Variants in STK39 observed in about 807,000 individuals in gnomAD.
STK39 encodes the protein STE20/SPS1-related proline-alanine-rich protein kinase.
Under a neutral mutation model 77.8 loss-of-function variants are expected in STK39, and 20 were observed. The ratio of observed to expected loss-of-function variants is 0.26; its 90% CI spans 0.18 to 0.37. The LOEUF is 0.37. STK39 is among the 10% of genes least tolerant of loss of function. The pLI is 1.00. For synonymous variants in STK39, 246 were observed against 234.1 expected, an observed-to-expected ratio of 1.05 and a Z score of -0.47; for missense variants, 479 against 656.5, an observed-to-expected ratio of 0.73 and a Z score of 2.95.
Position 167,996,827 on chromosome 2 carries a change from C to T in STK39, c.1498+15807G>A, listed in dbSNP as rs561455901. 5.3e-5 allele frequency among the ~76,000 whole-genome samples: 8 copies of T among 151,998 alleles called. No homozygotes were observed. In the South Asian group the frequency reaches 6.3e-4, roughly 12 times the overall value. On this transcript the variant is annotated intron_variant, in intron 16 of 17. Transcript: ENST00000355999. ...ACTAGAACTCAAAGAGGTAGATCACCGACTAAGGAACTGCAGAGCAAAGGG... is the reference window on the plus strand; with the variant it reads ...ACTAGAACTCAAAGAGGTAGATCACTGACTAAGGAACTGCAGAGCAAAGGG...
chr2:168,049,034 C>T (rs1425102170), intron 14 of STK39, among the ~76,000 whole-genome samples: 2 of 152,188 alleles, frequency 1.3e-5, no homozygotes, highest in African/African-American at 2.4e-5. Flanking sequence ...CTCTGATAAC[C>T]AGTGGCCACT....
chr2:168,081,341 G>A (rs897572739), intron 10 of STK39, among the ~76,000 whole-genome samples: 1 of 152,162 alleles, frequency 6.6e-6, no homozygotes, highest in African/African-American at 2.4e-5. Context: ...TGGAGTCAAA[G>A]GAGATCATTT....
At chr2:168,109,155 T>C (rs1023123708) in intron 10 of STK39, among the ~76,000 whole-genome samples, 1 of 152,198 alleles carries the variant, frequency 6.6e-6, no homozygotes, top group Non-Finnish European at 1.5e-5. Context: ...TATATTTATA[T>C]ATGTAAGTAA....
intron 14 of STK39, among the ~76,000 whole-genome samples, chr2:168,048,428 G>A (rs187907910): frequency 0.02 from 3,013 of 152,122 alleles, 101 homozygotes; most frequent in African/African-American, 0.069. Context: ...TAGCCAGGAC[G>A]GTCTCGATCT....
intron 14 of STK39, among the ~76,000 whole-genome samples, chr2:168,030,175 G>C (rs1684800236): frequency 6.6e-6 from 1 of 152,160 alleles, no homozygotes; most frequent in African/African-American, 2.4e-5. Context: ...GGGAGGCGGA[G>C]CTTTCAGTGA....
At chr2:168,136,754 CA>C (rs1687852373) in intron 8 of STK39, among the ~76,000 whole-genome samples, 1 of 152,028 alleles carries the variant, frequency 6.6e-6, no homozygotes, top group Non-Finnish European at 1.5e-5. Flanking sequence ...TGTTGGAAAA[CA>C]AAATTAGAAT....
intron 2 of STK39, among the ~76,000 whole-genome samples, chr2:168,176,041 C>A (rs1266313831): frequency 2.0e-5 from 3 of 152,118 alleles, no homozygotes; most frequent in Non-Finnish European, 4.4e-5. Flanking sequence ...TTTGTTACCA[C>A]ATACGATGAA....
intron 10 of STK39, among the ~76,000 whole-genome samples, chr2:168,089,957 A>G (rs1686472516): frequency 1.3e-5 from 2 of 152,198 alleles, no homozygotes; most frequent in Admixed American, 6.5e-5. Flanking sequence ...ATAATAAGCT[A>G]TTTGGTTTGG....
At chr2:168,089,758 C>T (rs187303820) in intron 10 of STK39, among the ~76,000 whole-genome samples, 4 of 152,168 alleles carry the variant, frequency 2.6e-5, no homozygotes, top group East Asian at 3.9e-4. Context: ...GGATTACAGG[C>T]GCCCGCCACC....
At chr2:168,111,659 T>A (rs1687123589) in intron 10 of STK39, among the ~76,000 whole-genome samples, 1 of 152,188 alleles carries the variant, frequency 6.6e-6, no homozygotes, top group Non-Finnish European at 1.5e-5. Context: ...GGAAAAATAG[T>A]CTAAAACAAG....
At chr2:167,959,753 T>C (rs1691893030) in intron 17 of STK39, among the ~76,000 whole-genome samples, 1 of 152,162 alleles carries the variant, frequency 6.6e-6, no homozygotes, top group Non-Finnish European at 1.5e-5. Flanking sequence ...CAAGTGAAAT[T>C]GGCTTTGCTT....
At chr2:168,097,842 T>C (rs1358877466) in intron 10 of STK39, among the ~76,000 whole-genome samples, 2 of 152,222 alleles carry the variant, frequency 1.3e-5, no homozygotes, top group Admixed American at 6.5e-5. Context: ...TATAGAACAT[T>C]TGACTGAATC....
intron 14 of STK39, among the ~76,000 whole-genome samples, chr2:168,039,880 C>G (rs1202494733): frequency 1.3e-5 from 2 of 152,064 alleles, no homozygotes; most frequent in East Asian, 3.8e-4. Context: ...TATTCACCAC[C>G]CAGGAATTTA....
At chr2:168,039,599 C>CA (rs1173242043) in intron 14 of STK39, among the ~76,000 whole-genome samples, 1,491 of 7,438 alleles carry the variant, frequency 0.2, 162 homozygotes, top group African/African-American at 0.31. Flanking sequence ...ACTCCGTCTC[C>CA]AAAAAAAAAA....
At chr2:168,225,081 GAAAGTGAAGCAGA>G (rs1690270339) in intron 1 of STK39, among the ~76,000 whole-genome samples, 1 of 152,176 alleles carries the variant, frequency 6.6e-6, no homozygotes, top group Non-Finnish European at 1.5e-5. Context: ...CCATCGTTTT[GAAAGTGAAGCAGA>G]ATGGGGTTCA....
intron 14 of STK39, among the ~76,000 whole-genome samples, chr2:168,041,163 G>T (rs572499296): frequency 2.1e-4 from 32 of 152,062 alleles, no homozygotes; most frequent in Non-Finnish European, 3.5e-4. Context: ...ACATTAATAT[G>T]CTAAAACTAA....
chr2:168,147,617 C>T (rs1298433222), intron 5 of STK39, among the ~76,000 whole-genome samples: 5 of 152,198 alleles, frequency 3.3e-5, no homozygotes, highest in African/African-American at 7.2e-5. Flanking sequence ...TGTACATGCA[C>T]GGAGTGGGTT....
intron 10 of STK39, among the ~76,000 whole-genome samples, chr2:168,106,812 A>G (rs1686986430): frequency 1.3e-5 from 2 of 152,284 alleles, no homozygotes; most frequent in African/African-American, 4.8e-5. Context: ...ACAAAGTGAG[A>G]ACCTGTCTCA....
chr2:167,996,373 C>T (rs966658300), intron 16 of STK39, among the ~76,000 whole-genome samples: 9 of 152,174 alleles, frequency 5.9e-5, no homozygotes, highest in Non-Finnish European at 1.2e-4. Context: ...ACTTTCTGAA[C>T]TCATGTTTTA....
Sources: gnomAD v4.1 joint callset for allele counts (sites outside exome capture counted in the v4.1 genomes callset) on GRCh38, gnomAD v4.1.1 for gene constraint, MANE v1.5 for transcripts, NCBI Gene and HGNC (gene_info 2026-07-23, HGNC 2026-07-21) for gene names.